NUP98: variants seen among roughly 807,000 people sequenced by gnomAD.
NUP98 encodes nuclear pore complex protein Nup98-Nup96.
A neutral mutation model predicts 191.9 loss-of-function variants in NUP98; 26 were observed. The observed-to-expected ratio is 0.14, with a 90% confidence interval of 0.10 to 0.19. NUP98 has a LOEUF of 0.19. NUP98 is among the 10% of genes least tolerant of loss of function. The pLI, the probability that NUP98 is intolerant of heterozygous loss-of-function variation, is 1.00. For missense variants in NUP98, 1,941 were observed against 2,178.8 expected, an observed-to-expected ratio of 0.89 and a Z score of 2.17; for synonymous variants, 808 against 778.4, an observed-to-expected ratio of 1.04 and a Z score of -0.63.
At position 3,713,780 on chromosome 11, in the gene NUP98, T is replaced by C. The variant is rs376740391; in HGVS notation, c.2577+38A>G. On this transcript the variant is annotated intron_variant, in intron 19 of 32. Coordinates refer to ENST00000324932, the MANE Select transcript of NUP98 (RefSeq NM_016320.5). ...CATAAACGTTATGTGACTCCAAATA[T>C]AGTTTATAAAAGTCTGAACTGGGTT... The C allele has an allele frequency of 8.5e-5, 133 of 1,568,574 alleles. 1 individual carries two copies. The Middle Eastern group carries it at 1.9e-3, about 22-fold the overall frequency.
At chr11:3,705,536 T>C (rs1056096089) in intron 21 of NUP98, among the ~76,000 whole-genome samples, 180 bp from the exon 22 acceptor site, 3 of 152,202 alleles carry the variant, frequency 2.0e-5, no homozygotes, top group South Asian at 4.1e-4. Context: ...GCAGAATTCA[T>C]ATAATACTTC....
chr11:3,779,262 A>C lies in NUP98; in HGVS notation c.77-5T>G. The stretch of plus-strand genomic sequence containing the variant: ...TAGTAGTGCCAAAGCCAGTATCTGA[A>C]AAAGCAAAATCCAGAGTAAATTAGA... On this transcript the variant is annotated splice_region_variant and splice_polypyrimidine_tract_variant and intron_variant, in intron 2 of 32. Transcript: ENST00000324932. The C allele has an allele frequency of 6.2e-7, 1 of 1,605,622 alleles. No homozygotes were observed.
rs775176233 is a variant in NUP98 at position 3,675,418 on chromosome 11, TCA to T, written c.*739_*740del. On this transcript the variant is annotated 3_prime_UTR_variant, in exon 33 of 33. Transcript: ENST00000324932. ...TCTGCAGGCAAATCCAGACAGAGTC[TCA>T]GCAAGACTGAAAACCAGGGACCAAA... 9 of 226,394 alleles carry T rather than the reference TCA, an allele frequency of 4.0e-5. No individual in the cohort carries two copies. Among genetic ancestry groups the T allele is most frequent in the Non-Finnish European group, 7.0e-5 (8 of 113,878 alleles). 14.0% of individuals were successfully genotyped at this position (226,394 alleles called of 1,614,324 possible). A position where few individuals can be genotyped will look rare whatever the true frequency, so the allele number is the denominator to read the frequency against.
Position 3,784,601 on chromosome 11 carries a change from A to C in NUP98, c.-28-2456T>G, listed in dbSNP as rs1298152832. ...TATTAAAAACAAAAAAAAAACAAAA[A>C]AAAACAAAAAACATGGTGCACACCT... is the stretch of plus-strand genomic sequence containing the variant. On this transcript the variant is annotated intron_variant, in intron 1 of 32. Coordinates refer to ENST00000324932, the MANE Select transcript of NUP98 (RefSeq NM_016320.5). 2.7e-5 allele frequency among the ~76,000 whole-genome samples: 4 copies of C among 149,800 alleles called. No individual in the cohort carries two copies. The East Asian group carries it at 7.7e-4, about 29-fold the overall frequency.
chr11:3,791,152 C>T (rs1465085809), intron 1 of NUP98, among the ~76,000 whole-genome samples: 22 of 152,010 alleles, frequency 1.4e-4, no homozygotes. Context: ...CCCTCAGCCT[C>T]CCAAAGTGCT....
At chr11:3,738,219 AAG>A (rs1286449942) in intron 12 of NUP98, among the ~76,000 whole-genome samples, 8 of 152,160 alleles carry the variant, frequency 5.3e-5, no homozygotes, top group Non-Finnish European at 8.8e-5. Context: ...AGACACAGGT[AAG>A]AGAGTATCTT....
chr11:3,728,356 G>A (rs1033905987), intron 14 of NUP98, among the ~76,000 whole-genome samples: 70 of 152,300 alleles, frequency 4.6e-4, no homozygotes, highest in Middle Eastern at 3.4e-3. Flanking sequence ...GTTTTGAGGA[G>A]AAAAGGGAAA....
chr11:3,709,302 G>C (rs1166627394), intron 20 of NUP98, among the ~76,000 whole-genome samples: 1 of 152,124 alleles, frequency 6.6e-6, no homozygotes, highest in African/African-American at 2.4e-5. Context: ...CAGCACTTTG[G>C]GAGGCTGAGG....
intron 4 of NUP98, 28 bp downstream of exon 4, chr11:3,778,845 T>C (rs1417415863): frequency 1.7e-5 from 27 of 1,602,986 alleles, no homozygotes; most frequent in Non-Finnish European, 2.1e-5. Flanking sequence ...AATTATTAGA[T>C]GCAGAACTCC....
intron 20 of NUP98, among the ~76,000 whole-genome samples, chr11:3,710,434 A>G (rs1380882332): frequency 6.6e-6 from 1 of 152,208 alleles, no homozygotes; most frequent in African/African-American, 2.4e-5. Context: ...CTTAAGAACC[A>G]ACTGGAAACA....
chr11:3,692,488 G>A (rs906453044), intron 27 of NUP98, among the ~76,000 whole-genome samples: 2 of 151,868 alleles, frequency 1.3e-5, no homozygotes, highest in Non-Finnish European at 2.9e-5. Context: ...TTAGCCAGGC[G>A]TAGTGGCACA....
intron 22 of NUP98, among the ~76,000 whole-genome samples, chr11:3,704,206 T>C (rs984097832): frequency 6.6e-6 from 1 of 152,210 alleles, no homozygotes; most frequent in African/African-American, 2.4e-5. Flanking sequence ...GCAAAGTTGA[T>C]AATAAGGGAA....
intron 17 of NUP98, 80 bp downstream of exon 17, chr11:3,720,632 A>AAG: frequency 2.9e-6 from 2 of 681,888 alleles, no homozygotes; most frequent in East Asian, 5.6e-5. Flanking sequence ...ATGAAGATTC[A>AAG]GCTATCAAAA....
At chr11:3,722,137 G>A (rs2079427438) in intron 16 of NUP98, among the ~76,000 whole-genome samples, 2 of 140,380 alleles carry the variant, frequency 1.4e-5, no homozygotes, top group Admixed American at 7.2e-5. Context: ...TTAGGAGACA[G>A]GATCTTGGTC....
chr11:3,731,756 A>T (rs1167966955), intron 13 of NUP98, among the ~76,000 whole-genome samples, 178 bp from the exon 14 acceptor site: 1 of 152,228 alleles, frequency 6.6e-6, no homozygotes, highest in Non-Finnish European at 1.5e-5. Context: ...CATGTTGAGT[A>T]TCCCTCATCC....
chr11:3,773,602 G>A, intron 6 of NUP98, 30 bp downstream of exon 6: 8 of 1,327,508 alleles, frequency 6.0e-6, no homozygotes, highest in Non-Finnish European at 8.5e-6. Flanking sequence ...CAAAAGGTTA[G>A]ACTGACATTC....
intron 12 of NUP98, 84 bp downstream of exon 12, chr11:3,744,425 A>G: frequency 7.3e-7 from 1 of 1,367,976 alleles, no homozygotes; most frequent in Non-Finnish European, 9.9e-7. Context: ...CTTGGTAGGA[A>G]TGGGACAGGT....
chr11:3,679,440 A>G, intron 31 of NUP98, 114 bp downstream of exon 31: 6 of 1,196,592 alleles, frequency 5.0e-6, no homozygotes, highest in Non-Finnish European at 3.7e-6. Context: ...CTGCTTTGAC[A>G]GTGCTATCTC....
chr11:3,768,659 G>C lies in NUP98; in HGVS notation c.870C>G (p.Gly290=), dbSNP rs2081418663. 1.9e-6 allele frequency: 3 copies of C among 1,611,288 alleles called. No homozygotes were observed. Among genetic ancestry groups the C allele is most frequent in the Non-Finnish European group, 2.5e-6 (3 of 1,178,462 alleles). The part of the protein sequence containing the change: ...QTTSLFSKPF[G]QATTTQNTGF... Reference sequence around the variant, plus strand: ...CAGTGTTCTGGGTGGTTGTAGCCTGGCCAAATGGTTTGCTGAAGAGGCTGG... The same window carrying C: ...CAGTGTTCTGGGTGGTTGTAGCCTGCCCAAATGGTTTGCTGAAGAGGCTGG... The change falls in exon 8 of 33, where the codon GGC becomes GGG. Residue 290 remains glycine, a synonymous_variant. Transcript: ENST00000324932.
Sources: gnomAD v4.1 joint callset for allele counts (sites outside exome capture counted in the v4.1 genomes callset) on GRCh38, gnomAD v4.1.1 for gene constraint, MANE v1.5 for transcripts, NCBI Gene and HGNC (gene_info 2026-07-23, HGNC 2026-07-21) for gene names.